PLCB1: variants seen among roughly 807,000 people sequenced by gnomAD.
PLCB1 encodes the protein 1-phosphatidylinositol 4,5-bisphosphate phosphodiesterase beta-1.
A neutral mutation model predicts 161.8 loss-of-function variants in PLCB1; 46 were observed. The ratio of observed to expected loss-of-function variants is 0.28; its 90% CI spans 0.22 to 0.36. The LOEUF is 0.36. Among genes scored for constraint, PLCB1 ranks in the 10% least tolerant of loss-of-function variants. The pLI is 1.00. For synonymous variants in PLCB1, 517 were observed against 503.7 expected, an observed-to-expected ratio of 1.03 and a Z score of -0.35; for missense variants, 1,016 against 1,472.5, an observed-to-expected ratio of 0.69 and a Z score of 5.07.
At chr20:8,204,999 G>C (rs2123133537) in intron 2 of PLCB1, among the ~76,000 whole-genome samples, 1 of 151,988 alleles carries the variant, frequency 6.6e-6, no homozygotes, top group East Asian at 1.9e-4. Flanking sequence ...GTGATAATAA[G>C]TTATTATCCT....
intron 2 of PLCB1, among the ~76,000 whole-genome samples, chr20:8,257,276 G>A (rs1455512746): frequency 6.6e-6 from 1 of 151,874 alleles, no homozygotes; most frequent in African/African-American, 2.4e-5. Flanking sequence ...GAAAAATCAG[G>A]TACTAGAGTG....
At chr20:8,836,857 C>T (rs1013985761) in intron 31 of PLCB1, among the ~76,000 whole-genome samples, 1 of 152,158 alleles carries the variant, frequency 6.6e-6, no homozygotes, top group Admixed American at 6.5e-5. Flanking sequence ...GCTGCTATGT[C>T]TGCCCTCGAG....
chr20:8,201,820 C>T (rs530950105), intron 2 of PLCB1, among the ~76,000 whole-genome samples: 5 of 152,190 alleles, frequency 3.3e-5, no homozygotes, highest in Admixed American at 2.0e-4. Flanking sequence ...TTTAAATTCT[C>T]GTTGAGAAAA....
At chr20:8,798,394 G>T (rs1984130293) in intron 31 of PLCB1, among the ~76,000 whole-genome samples, 2 of 152,218 alleles carry the variant, frequency 1.3e-5, no homozygotes, top group African/African-American at 4.8e-5. Context: ...TTGTGTGTGT[G>T]TGTGACAGTA....
intron 4 of PLCB1, among the ~76,000 whole-genome samples, chr20:8,630,029 TTTC>T (rs1988533267): frequency 1.4e-5 from 2 of 147,182 alleles, no homozygotes; most frequent in South Asian, 4.3e-4. Context: ...CTTTCCTTTC[TTTC>T]CTCTCTTCTT....
At chr20:8,784,933 A>G (rs984425874) in intron 27 of PLCB1, among the ~76,000 whole-genome samples, 1 of 152,230 alleles carries the variant, frequency 6.6e-6, no homozygotes, top group Non-Finnish European at 1.5e-5. Flanking sequence ...TTGAAACTTA[A>G]AAGATTTCAT....
intron 2 of PLCB1, among the ~76,000 whole-genome samples, chr20:8,300,022 G>A (rs1323833603): frequency 6.6e-6 from 1 of 152,138 alleles, no homozygotes; most frequent in Non-Finnish European, 1.5e-5. Flanking sequence ...ATTTGAGTGG[G>A]TGGGGTTCAC....
intron 3 of PLCB1, among the ~76,000 whole-genome samples, chr20:8,415,627 G>C (rs1474848648): frequency 6.6e-6 from 1 of 152,168 alleles, no homozygotes; most frequent in Admixed American, 6.5e-5. Context: ...CCCCTCTTGG[G>C]GCCATCTGAG....
intron 8 of PLCB1, 50 bp from the exon 9 acceptor site, chr20:8,658,488 T>C: frequency 7.2e-7 from 1 of 1,380,610 alleles, no homozygotes; most frequent in Non-Finnish European, 1.0e-6. Flanking sequence ...AATATTAGAA[T>C]GAAACTTAGT....
chr20:8,609,978 T>C lies in PLCB1; in HGVS notation c.247-18316T>C, dbSNP rs79076748. ...AGTATATTTAGTATATTCATAGATG[T>C]AAAATGAGCATCAGTATATAATTTT... On this transcript the variant is annotated intron_variant, in intron 3 of 31. Coordinates refer to ENST00000338037, the MANE Select transcript of PLCB1 (RefSeq NM_015192.4). Among the ~76,000 whole-genome samples the C allele has an allele frequency of 2.6e-3, 398 of 152,288 alleles. 5 individuals carry two copies. The highest frequency in any genetic ancestry group is 7.5e-3 in the African/African-American group (310 of 41,564).
intron 7 of PLCB1, among the ~76,000 whole-genome samples, chr20:8,654,146 C>G (rs984357616): frequency 4.6e-5 from 7 of 151,954 alleles, no homozygotes; most frequent in African/African-American, 9.7e-5. Flanking sequence ...ACCAGTACTA[C>G]CACCAAGATT....
intron 3 of PLCB1, among the ~76,000 whole-genome samples, chr20:8,610,356 T>C (rs1347205745): frequency 6.6e-6 from 1 of 152,206 alleles, no homozygotes; most frequent in African/African-American, 2.4e-5. Context: ...ATTGCATGTA[T>C]ATACCATATT....
chr20:8,574,348 A>G (rs6086508), intron 3 of PLCB1, among the ~76,000 whole-genome samples: 90,697 of 152,064 alleles, frequency 0.6, 27,793 homozygotes, highest in African/African-American at 0.7. Context: ...GCACTGAGCC[A>G]AGATCATGCC....
chr20:8,744,629 A>T (rs1363515503), intron 23 of PLCB1, among the ~76,000 whole-genome samples: 1 of 148,442 alleles, frequency 6.7e-6, no homozygotes, highest in African/African-American at 2.5e-5. Flanking sequence ...ATAAAATAAA[A>T]TAAAATAAAA....
chr20:8,831,639 T>C (rs1281049278), intron 31 of PLCB1, among the ~76,000 whole-genome samples: 2 of 152,228 alleles, frequency 1.3e-5, no homozygotes, highest in Middle Eastern at 3.4e-3. Context: ...TACTTATTTA[T>C]TTATTTTAGA....
intron 3 of PLCB1, among the ~76,000 whole-genome samples, chr20:8,566,382 C>T (rs1452855393): frequency 1.3e-5 from 2 of 152,050 alleles, no homozygotes; most frequent in African/African-American, 4.8e-5. Context: ...TTCTAATAAG[C>T]AGGATAACAG....
At chr20:8,768,468 C>A (rs981351481) in intron 26 of PLCB1, among the ~76,000 whole-genome samples, 3 of 152,204 alleles carry the variant, frequency 2.0e-5, no homozygotes, top group African/African-American at 7.2e-5. Context: ...ACATTTGCAA[C>A]AACCTCTTTC....
intron 9 of PLCB1, among the ~76,000 whole-genome samples, chr20:8,665,345 C>A (rs927936342): frequency 3.3e-5 from 5 of 152,266 alleles, no homozygotes; most frequent in Admixed American, 3.3e-4. Context: ...GCTAAATTGT[C>A]ATTTACCTGA....
intron 2 of PLCB1, among the ~76,000 whole-genome samples, chr20:8,206,410 A>C (rs535133736): frequency 6.6e-6 from 1 of 152,298 alleles, no homozygotes; most frequent in African/African-American, 2.4e-5. Flanking sequence ...CAATAAAATG[A>C]GACAGGAATT....
Sources: gnomAD v4.1 joint callset for allele counts (sites outside exome capture counted in the v4.1 genomes callset) on GRCh38, gnomAD v4.1.1 for gene constraint, MANE v1.5 for transcripts, NCBI Gene and HGNC (gene_info 2026-07-23, HGNC 2026-07-21) for gene names.